VPS13B: variants seen among roughly 807,000 people sequenced by gnomAD.
VPS13B encodes vacuolar protein sorting 13 homolog B, also known as intermembrane lipid transfer protein VPS13B.
A neutral mutation model predicts 426.4 loss-of-function variants in VPS13B; 285 were observed. The observed-to-expected ratio is 0.67, with a 90% confidence interval of 0.61 to 0.74. VPS13B has a LOEUF of 0.74. Ranked by LOEUF, VPS13B falls within the 30% of genes least tolerant of loss-of-function variation. The pLI, the probability that VPS13B is intolerant of heterozygous loss-of-function variation, is 0.00. For missense variants in VPS13B, 4,537 were observed against 4,782.6 expected (o/e 0.95, Z 1.51); for synonymous variants, 1,676 against 1,676.4 (o/e 1.00, Z 0.01).
chr8:99,345,576 G>C (rs1811493217), intron 19 of VPS13B, among the ~76,000 whole-genome samples: 1 of 152,090 alleles, frequency 6.6e-6, no homozygotes, highest in South Asian at 2.1e-4. Flanking sequence ...ATAAAACAGT[G>C]AGTAGAACTT....
intron 3 of VPS13B, among the ~76,000 whole-genome samples, chr8:99,062,038 A>G (rs528165774): frequency 6.6e-6 from 1 of 152,280 alleles, no homozygotes; most frequent in South Asian, 2.1e-4. Flanking sequence ...CCTTAAGTCG[A>G]AGCTCATGTC....
intron 22 of VPS13B, among the ~76,000 whole-genome samples, chr8:99,440,689 C>T (rs1323301968): frequency 6.6e-6 from 1 of 152,034 alleles, no homozygotes; most frequent in African/African-American, 2.4e-5. Flanking sequence ...ACATTGTTTA[C>T]ACTTGATGAA....
intron 35 of VPS13B, among the ~76,000 whole-genome samples, chr8:99,687,509 T>G (rs1350800114): frequency 6.6e-6 from 1 of 151,988 alleles, no homozygotes; most frequent in Non-Finnish European, 1.5e-5. Context: ...GAACTCAGGT[T>G]CTGCCCACAG....
At chr8:99,460,994 C>G (rs948059070) in intron 23 of VPS13B, among the ~76,000 whole-genome samples, 8 of 152,174 alleles carry the variant, frequency 5.3e-5, no homozygotes, top group Non-Finnish European at 2.9e-5. Context: ...CTTTCAATCC[C>G]AGAGTGCTGA....
At chr8:99,212,397 C>T (rs1164998830) in intron 17 of VPS13B, among the ~76,000 whole-genome samples, 1 of 152,192 alleles carries the variant, frequency 6.6e-6, no homozygotes, top group Non-Finnish European at 1.5e-5. Context: ...AATCATCTTC[C>T]TTCTGAAACC....
At chr8:99,183,208 T>A (rs537860807) in intron 16 of VPS13B, among the ~76,000 whole-genome samples, 4 of 152,236 alleles carry the variant, frequency 2.6e-5, no homozygotes, top group African/African-American at 9.6e-5. Context: ...CGTTTTCTTC[T>A]TATTTAACAT....
At chr8:99,398,834 G>A (rs1233774865) in intron 21 of VPS13B, among the ~76,000 whole-genome samples, 2 of 141,680 alleles carry the variant, frequency 1.4e-5, no homozygotes, top group East Asian at 4.0e-4. Flanking sequence ...TTTTTGCACT[G>A]TTTTAGAGAA....
chr8:99,345,237 C>T (rs1234906554), intron 19 of VPS13B, among the ~76,000 whole-genome samples: 2 of 152,006 alleles, frequency 1.3e-5, no homozygotes, highest in Non-Finnish European at 2.9e-5. Flanking sequence ...TTTCTTTTTC[C>T]TTATTTTTAT....
intron 54 of VPS13B, among the ~76,000 whole-genome samples, chr8:99,838,313 T>G (rs1815502246): frequency 6.6e-6 from 1 of 152,214 alleles, no homozygotes; most frequent in African/African-American, 2.4e-5. Flanking sequence ...AATAAAGTCA[T>G]AAAAGTAAGT....
intron 35 of VPS13B, among the ~76,000 whole-genome samples, chr8:99,686,312 C>A (rs894049253): frequency 6.6e-6 from 1 of 152,122 alleles, no homozygotes. Flanking sequence ...CTGAGTCATA[C>A]CCGAAGCCAA....
intron 39 of VPS13B, among the ~76,000 whole-genome samples, chr8:99,738,370 A>C (rs183672857): frequency 2.3e-4 from 35 of 152,356 alleles, no homozygotes; most frequent in African/African-American, 7.9e-4. Context: ...TCTTTAGCTA[A>C]ATCATGGTAT....
chr8:99,567,343 T>C (rs1176631762), intron 31 of VPS13B, among the ~76,000 whole-genome samples: 2 of 152,160 alleles, frequency 1.3e-5, no homozygotes, highest in Non-Finnish European at 2.9e-5. Context: ...TGAATTAAGT[T>C]AATATTTTAA....
intron 30 of VPS13B, among the ~76,000 whole-genome samples, chr8:99,537,518 C>G (rs777196063): frequency 2.0e-5 from 3 of 152,304 alleles, no homozygotes; most frequent in Middle Eastern, 6.8e-3. Context: ...TATGCAGTTA[C>G]AGTACCTTAT....
intron 57 of VPS13B, among the ~76,000 whole-genome samples, chr8:99,861,183 A>T (rs1373645080): frequency 6.6e-6 from 1 of 152,260 alleles, no homozygotes; most frequent in African/African-American, 2.4e-5. Flanking sequence ...ATTATAGTGA[A>T]GGATAGTTTC....
At position 99,867,089 on chromosome 8, in the gene VPS13B, G is replaced by T. The variant is rs1817146913; in HGVS notation, c.11216-1200G>T. Among the ~76,000 whole-genome samples the T allele has an allele frequency of 1.3e-5, 2 of 152,188 alleles. 1 individual carries two copies. The highest frequency in any genetic ancestry group is 4.1e-4 in the South Asian group (2 of 4,830). On this transcript the variant is annotated intron_variant, in intron 58 of 61. Transcript: ENST00000357162. ...CCTAGAGGAAAGGAGTCCATGAAGAGCATTCCCTTTACAATTGACGTGATA... is the reference window on the plus strand; with the variant it reads ...CCTAGAGGAAAGGAGTCCATGAAGATCATTCCCTTTACAATTGACGTGATA...
At chr8:99,457,275 G>A (rs772607542) in intron 23 of VPS13B, among the ~76,000 whole-genome samples, 10 of 152,018 alleles carry the variant, frequency 6.6e-5, no homozygotes, top group East Asian at 1.9e-4. Flanking sequence ...CAGATGGTCC[G>A]CCCGCTTTGG....
Position 99,617,433 on chromosome 8 carries a change from A to G in VPS13B, c.5221-24378A>G, listed in dbSNP as rs531575160. ...AACCTCTGTCTCCCGGGTTCAAGCAATTCTCCTGCCTCAGGTTCCTAGTAG... is the reference window on the plus strand; with the variant it reads ...AACCTCTGTCTCCCGGGTTCAAGCAGTTCTCCTGCCTCAGGTTCCTAGTAG... On this transcript the variant is annotated intron_variant, in intron 33 of 61. Transcript: ENST00000357162. Among the ~76,000 whole-genome samples, 15 of 152,150 alleles carry G rather than the reference A, an allele frequency of 9.9e-5. No homozygotes were observed. In the East Asian group the frequency reaches 2.7e-3, roughly 27 times the overall value.
intron 40 of VPS13B, among the ~76,000 whole-genome samples, chr8:99,767,563 A>G (rs1811289558): frequency 6.6e-6 from 1 of 151,498 alleles, no homozygotes; most frequent in African/African-American, 2.4e-5. Flanking sequence ...AGCTAACCAA[A>G]ATAACTCATA....
At chr8:99,784,232 A>G in intron 42 of VPS13B, 83 bp from the exon 43 acceptor site, 1 of 1,576,812 alleles carries the variant, frequency 6.3e-7, no homozygotes, top group Non-Finnish European at 8.7e-7. Flanking sequence ...TCTGTGTTGT[A>G]ACAATCGCCA....
Sources: gnomAD v4.1 joint callset for allele counts (sites outside exome capture counted in the v4.1 genomes callset) on GRCh38, gnomAD v4.1.1 for gene constraint, MANE v1.5 for transcripts, NCBI Gene and HGNC (gene_info 2026-07-23, HGNC 2026-07-21) for gene names.